Variants in DMD observed in about 807,000 individuals in gnomAD.
DMD encodes mutant dystrophin.
Under a neutral mutation model 330.1 loss-of-function variants are expected in DMD, and 63 were observed. The observed-to-expected ratio is 0.19, with a 90% confidence interval of 0.16 to 0.24. The LOEUF (loss-of-function observed/expected upper bound fraction) is 0.24, where lower values mean the gene tolerates loss of function less well. Among genes scored for constraint, DMD ranks in the 10% least tolerant of loss-of-function variants. DMD has a pLI of 1.00. For missense variants in DMD, 3,344 were observed against 2,684.1 expected, an observed-to-expected ratio of 1.25 and a Z score of -5.43; for synonymous variants, 1,223 against 959.8, an observed-to-expected ratio of 1.27 and a Z score of -5.07.
intron 60 of DMD, among the ~76,000 whole-genome samples, chrX:31,357,395 C>T (rs890967276): frequency 1.9e-5 from 2 of 105,214 alleles, no homozygotes; most frequent in African/African-American, 3.5e-5. Context: ...AAAAAAAAGA[C>T]GGCATATATT....
chrX:32,715,585 C>A lies in DMD; in HGVS notation c.650-16292G>T, dbSNP rs567171537. Reference sequence around the variant, plus strand: ...CATGGCAGGCAGATACGCAGATCACCTGAGGTCAGGAGTTTGAGACCCTGG... The same window carrying A: ...CATGGCAGGCAGATACGCAGATCACATGAGGTCAGGAGTTTGAGACCCTGG... On this transcript the variant is annotated intron_variant, in intron 7 of 78. Transcript: ENST00000357033. Among the ~76,000 whole-genome samples the A allele has an allele frequency of 6.5e-5, 7 of 108,272 alleles. No homozygotes were observed. In the East Asian group the frequency reaches 1.7e-3, roughly 27 times the overall value. 94.0% of individuals were successfully genotyped at this position (108,272 alleles called of 115,157 possible).
At chrX:31,524,441 T>C (rs933260153) in intron 55 of DMD, among the ~76,000 whole-genome samples, 1 of 111,355 alleles carries the variant, frequency 9.0e-6, no homozygotes, top group Non-Finnish European at 1.9e-5. Flanking sequence ...ATTTAAAGTG[T>C]AATTAAAAGG....
intron 51 of DMD, among the ~76,000 whole-genome samples, chrX:31,735,530 T>C (rs1442787623): frequency 1.8e-5 from 2 of 112,264 alleles, no homozygotes; most frequent in East Asian, 5.6e-4. Context: ...TCCCATGGGC[T>C]GGCCTCTTAA....
At chrX:31,522,363 C>CTCTCTATATATATATATATATATATA in intron 55 of DMD, among the ~76,000 whole-genome samples, 5 of 35,964 alleles carry the variant, frequency 1.4e-4, no homozygotes, top group African/African-American at 1.9e-4. Context: ...CTCTCTCTCT[C>CTCTCTATATATATATATATATATATA]TATATATATA....
chrX:31,865,777 A>C (rs2093788622), intron 48 of DMD, among the ~76,000 whole-genome samples: 1 of 106,665 alleles, frequency 9.4e-6, no homozygotes, highest in African/African-American at 3.5e-5. Context: ...AGAACATGGA[A>C]AATTCTTATT....
intron 45 of DMD, among the ~76,000 whole-genome samples, chrX:31,955,130 C>T (rs1248760275): frequency 9.0e-6 from 1 of 110,613 alleles, no homozygotes; most frequent in African/African-American, 3.3e-5. Context: ...GAACTGTGAT[C>T]ATGCCACTGC....
At chrX:33,000,217 C>A (rs1421183071) in intron 2 of DMD, among the ~76,000 whole-genome samples, 1 of 110,048 alleles carries the variant, frequency 9.1e-6, no homozygotes, top group East Asian at 2.8e-4. Context: ...ATTTACTATA[C>A]ATATTTTATT....
At chrX:31,524,499 C>T (rs910249820) in intron 55 of DMD, among the ~76,000 whole-genome samples, 1 of 111,796 alleles carries the variant, frequency 8.9e-6, no homozygotes, top group African/African-American at 3.3e-5. Flanking sequence ...CATACATCAT[C>T]GTGCCATGGA....
At position 31,822,652 on chromosome X, in the gene DMD, GGGTGTGTGTGTGTGTGTGT is replaced by G. The variant is rs1455505474; in HGVS notation, c.7201-2588_7201-2570del. 1.5e-4 allele frequency among the ~76,000 whole-genome samples: 10 copies of G among 68,415 alleles called. No individual in the cohort carries two copies. The East Asian group carries it at 2.0e-3, about 14-fold the overall frequency. The allele number at this position is 68,415 out of a possible 115,157, so 59.4% of individuals were successfully genotyped here. A position where few individuals can be genotyped will look rare whatever the true frequency, so the allele number is the denominator to read the frequency against. ...TTTGGCCATACAGAAAAAGGCAGAG[GGGTGTGTGTGTGTGTGTGT>G]GTGTGTGTGTGTGTGTGTGTGTGTG... is the stretch of plus-strand genomic sequence containing the variant. On this transcript the variant is annotated intron_variant, in intron 49 of 78. Coordinates refer to ENST00000357033, the MANE Select transcript of DMD (RefSeq NM_004006.3).
intron 6 of DMD, among the ~76,000 whole-genome samples, chrX:32,812,351 G>C (rs771619953): frequency 8.9e-5 from 10 of 112,304 alleles, no homozygotes; most frequent in Non-Finnish European, 1.9e-4. Context: ...ATTCAAAATT[G>C]GCCAGGCGCA....
chrX:32,586,964 T>A (rs1262506009), intron 13 of DMD, among the ~76,000 whole-genome samples: 1 of 111,725 alleles, frequency 9.0e-6, no homozygotes, highest in Non-Finnish European at 1.9e-5. Context: ...CATTTAAAGT[T>A]TTTTTTAAAT....
intron 42 of DMD, among the ~76,000 whole-genome samples, chrX:32,304,963 A>T (rs761083995): frequency 2.9e-3 from 321 of 111,940 alleles, no homozygotes; most frequent in African/African-American, 0.01. Context: ...TTGAAATTTT[A>T]TATGATCCAT....
At chrX:32,792,349 C>G (rs2075878694) in intron 7 of DMD, among the ~76,000 whole-genome samples, 1 of 110,711 alleles carries the variant, frequency 9.0e-6, no homozygotes, top group Non-Finnish European at 1.9e-5. Flanking sequence ...AAAAGTTACT[C>G]AAATGTTACC....
intron 54 of DMD, among the ~76,000 whole-genome samples, chrX:31,637,688 G>A (rs974097852): frequency 9.0e-6 from 1 of 110,514 alleles, no homozygotes; most frequent in Admixed American, 9.7e-5. Flanking sequence ...AAGGCCATAG[G>A]CTCTTGTTCT....
chrX:31,596,994 A>G (rs1274089137), intron 55 of DMD, among the ~76,000 whole-genome samples: 1 of 112,818 alleles, frequency 8.9e-6, no homozygotes, highest in Non-Finnish European at 1.9e-5. Flanking sequence ...GAGAACATAG[A>G]AGATATTCTA....
In DMD at chrX:31,206,695, A is replaced by G. The variant is rs748727292; in HGVS notation, c.9564-28T>C. 4.5e-6 allele frequency: 5 copies of G among 1,123,567 alleles called. No individual in the cohort carries two copies. The East Asian group carries it at 1.5e-4, about 34-fold the overall frequency. The allele number at this position is 1,123,567 out of a possible 1,213,427, so 92.6% of individuals were successfully genotyped here. The stretch of plus-strand genomic sequence containing the variant: ...ATTATGAAGAATCAAAGCAGAAAAC[A>G]ATTACTGACCCTTTCCTAGAGGGTA... On this transcript the variant is annotated intron_variant, in intron 65 of 78. Transcript: ENST00000357033.
chrX:33,187,371 A>G (rs767949945), intron 1 of DMD, among the ~76,000 whole-genome samples: 23 of 112,721 alleles, frequency 2.0e-4, no homozygotes, highest in African/African-American at 7.4e-4. Context: ...GTAATAAATG[A>G]TCTTAAGTGA....
chrX:32,343,042 G>T, intron 40 of DMD, 92 bp downstream of exon 40: 2 of 941,755 alleles, frequency 2.1e-6, no homozygotes, highest in South Asian at 2.0e-5. Flanking sequence ...AACGTTAATA[G>T]AAACAAGAAC....
chrX:31,928,856 G>A (rs2149984698), intron 47 of DMD, among the ~76,000 whole-genome samples: 1 of 111,682 alleles, frequency 9.0e-6, no homozygotes, highest in East Asian at 2.8e-4. Context: ...AAGTACTGTT[G>A]TTAAAGTACA....
Sources: gnomAD v4.1 joint callset for allele counts (sites outside exome capture counted in the v4.1 genomes callset) on GRCh38, gnomAD v4.1.1 for gene constraint, MANE v1.5 for transcripts, NCBI Gene and HGNC (gene_info 2026-07-23, HGNC 2026-07-21) for gene names.